RORA: variants seen among roughly 807,000 people sequenced by gnomAD.
RORA encodes RAR related orphan receptor A, also known as nuclear receptor ROR-alpha.
RORA carries 7 observed loss-of-function variants against 69.5 expected under a neutral mutation model. That is an observed-to-expected ratio of 0.10 (90% CI 0.06 to 0.19). RORA has a LOEUF of 0.19. Ranked by LOEUF, RORA falls within the 10% of genes least tolerant of loss-of-function variation. RORA has a pLI of 1.00. For missense variants in RORA, 457 were observed against 663.0 expected (o/e 0.69, Z 3.41); for synonymous variants, 261 against 240.8 (o/e 1.08, Z -0.78).
At chr15:61,078,355 G>C (rs959896299) in intron 1 of RORA, among the ~76,000 whole-genome samples, 3 of 151,492 alleles carry the variant, frequency 2.0e-5, no homozygotes, top group African/African-American at 7.3e-5. Context: ...GTGTGTGTGT[G>C]TGTGTGTGTG....
At chr15:60,554,043 C>T (rs949553147) in intron 2 of RORA, among the ~76,000 whole-genome samples, 2 of 152,012 alleles carry the variant, frequency 1.3e-5, no homozygotes, top group African/African-American at 4.8e-5. Flanking sequence ...TTTGTGGGGC[C>T]CCAGACACTG....
intron 2 of RORA, among the ~76,000 whole-genome samples, chr15:60,657,408 G>GAGCTCT (rs1245273519): frequency 9.9e-5 from 15 of 152,096 alleles, no homozygotes. Flanking sequence ...TCTGGACAAT[G>GAGCTCT]GGACAAACCA....
chr15:60,795,280 G>A (rs1175462257), intron 1 of RORA, among the ~76,000 whole-genome samples: 1 of 152,170 alleles, frequency 6.6e-6, no homozygotes, highest in Non-Finnish European at 1.5e-5. Flanking sequence ...CCTTCTGTAG[G>A]CTGGCAGGAG....
At position 61,114,834 on chromosome 15, in the gene RORA, C is replaced by T. The variant is rs144688533; in HGVS notation, c.166+114219G>A. Among the ~76,000 whole-genome samples the T allele has an allele frequency of 5.2e-3, 799 of 152,318 alleles. 5 individuals carry two copies. Among genetic ancestry groups the T allele is most frequent in the African/African-American group, 0.017 (713 of 41,570 alleles). On this transcript the variant is annotated intron_variant, in intron 1 of 10. Coordinates refer to ENST00000335670, the MANE Select transcript of RORA (RefSeq NM_134261.3). ...CACACAGACATGGTCAGGACAACCC[C>T]CAGGGCCTTCGTATGTTGGCTCTTG...
chr15:60,560,951 G>A (rs1035568966), intron 2 of RORA, among the ~76,000 whole-genome samples: 60 of 151,614 alleles, frequency 4.0e-4, no homozygotes, highest in African/African-American at 1.3e-3. Flanking sequence ...CTTTAAAAAT[G>A]TACATGTCTG....
At chr15:60,850,610 A>G (rs1409564044) in intron 1 of RORA, among the ~76,000 whole-genome samples, 3 of 152,188 alleles carry the variant, frequency 2.0e-5, no homozygotes, top group African/African-American at 7.2e-5. Flanking sequence ...ATTCATGTGC[A>G]CATTGATGGT....
intron 2 of RORA, chr15:60,556,982 G>T: frequency 6.8e-7 from 1 of 1,479,932 alleles, no homozygotes; most frequent in Non-Finnish European, 9.4e-7. Context: ...ATTTATCAGA[G>T]CATGTATTTA....
At chr15:60,516,003 A>ATATT (rs1567051289) in intron 3 of RORA, among the ~76,000 whole-genome samples, 1 of 2,884 alleles carries the variant, frequency 3.5e-4, no homozygotes, top group East Asian at 0.062. Context: ...ATATATATTT[A>ATATT]TATATATTTA....
At chr15:60,862,753 A>C (rs577068461) in intron 1 of RORA, among the ~76,000 whole-genome samples, 1 of 152,326 alleles carries the variant, frequency 6.6e-6, no homozygotes, top group South Asian at 2.1e-4. Flanking sequence ...GGGGAGTGAG[A>C]ACTGTACAAG....
Position 61,064,553 on chromosome 15 carries a change from T to C in RORA, c.166+164500A>G, listed in dbSNP as rs542914439. 9.8e-4 allele frequency among the ~76,000 whole-genome samples: 150 copies of C among 152,302 alleles called. 1 individual carries two copies. Among genetic ancestry groups the C allele is most frequent in the Non-Finnish European group, 8.8e-5 (6 of 68,020 alleles). On this transcript the variant is annotated intron_variant, in intron 1 of 10. Coordinates refer to ENST00000335670, the MANE Select transcript of RORA (RefSeq NM_134261.3). ...AAAAATGCTGACCCTCCTCGCTCTA[T>C]ATTGATTCTGCAGGTCTACTGTGGA...
intron 1 of RORA, among the ~76,000 whole-genome samples, chr15:61,106,504 C>A (rs2078950141): frequency 6.6e-6 from 1 of 152,186 alleles, no homozygotes. Context: ...CACCTGTGAT[C>A]CCCTTTGTTC....
chr15:60,690,457 G>T (rs1328718094), intron 1 of RORA, among the ~76,000 whole-genome samples: 1 of 152,230 alleles, frequency 6.6e-6, no homozygotes, highest in Admixed American at 6.5e-5. Flanking sequence ...ACAGGAGAGA[G>T]CACCCAGACA....
rs924670744 is a variant in RORA, at chr15:60,591,940, G to T, written c.197-60089C>A. On this transcript the variant is annotated intron_variant, in intron 2 of 10. Transcript: ENST00000335670. ...GACATCGCGACAACGCGCACGCACG[G>T]CCCTGCCCGGCCGCGGCGCCTCCCC... Among the ~76,000 whole-genome samples, 25 of 152,070 alleles carry T rather than the reference G, an allele frequency of 1.6e-4. 1 individual carries two copies. In the East Asian group the frequency reaches 4.7e-3, roughly 28 times the overall value.
intron 1 of RORA, among the ~76,000 whole-genome samples, chr15:61,222,095 A>G (rs2080103198): frequency 6.6e-6 from 1 of 152,220 alleles, no homozygotes; most frequent in African/African-American, 2.4e-5. Context: ...CCTCTGACAC[A>G]GAGTTTCAGA....
intron 1 of RORA, among the ~76,000 whole-genome samples, chr15:61,161,166 CAGA>C (rs1462643057): frequency 1.3e-5 from 2 of 152,106 alleles, no homozygotes; most frequent in East Asian, 1.9e-4. Flanking sequence ...ATGCTGGAGC[CAGA>C]AGGATTGTGG....
chr15:61,109,514 T>C (rs759027622), intron 1 of RORA, among the ~76,000 whole-genome samples: 1 of 152,174 alleles, frequency 6.6e-6, no homozygotes, highest in Non-Finnish European at 1.5e-5. Context: ...CACACCCTCA[T>C]CCAGCCCATC....
At chr15:60,748,459 T>C (rs1280496459) in intron 1 of RORA, among the ~76,000 whole-genome samples, 1 of 152,208 alleles carries the variant, frequency 6.6e-6, no homozygotes, top group African/African-American at 2.4e-5. Context: ...GGTTCTTATA[T>C]ATGTTAATGT....
In RORA at chr15:60,597,593, T is replaced by C. The variant is rs1211394554; in HGVS notation, c.197-65742A>G. 4.6e-3 allele frequency among the ~76,000 whole-genome samples: 118 copies of C among 25,830 alleles called. 13 individuals are homozygous for C. The highest frequency in any genetic ancestry group is 0.014 in the African/African-American group (108 of 7,664). The allele number at this position is 25,830 out of a possible 152,430, so 16.9% of individuals were successfully genotyped here. ...ATATATACACATATATATATATATATACACATATATATATATATATATATA... is the reference window on the plus strand; with the variant it reads ...ATATATACACATATATATATATATACACACATATATATATATATATATATA... On this transcript the variant is annotated intron_variant, in intron 2 of 10. Coordinates refer to ENST00000335670, the MANE Select transcript of RORA (RefSeq NM_134261.3).
At chr15:60,561,844 G>A (rs2067569951) in intron 2 of RORA, among the ~76,000 whole-genome samples, 1 of 152,070 alleles carries the variant, frequency 6.6e-6, no homozygotes, top group Admixed American at 6.6e-5. Flanking sequence ...ACTATTTAAA[G>A]CCATTTTGTT....
Sources: allele counts gnomAD v4.1 joint callset (sites outside exome capture counted in the v4.1 genomes callset), GRCh38; gene constraint gnomAD v4.1.1; transcripts MANE v1.5; gene names NCBI Gene and HGNC (gene_info 2026-07-23, HGNC 2026-07-21).